EPHA6: variants seen among roughly 807,000 people sequenced by gnomAD.
EPHA6 encodes ephrin type-A receptor 6.
In EPHA6, 50 loss-of-function variants were observed where a neutral mutation model predicts 112.0. That is an observed-to-expected ratio of 0.45 (90% CI 0.36 to 0.56). The LOEUF is 0.56. Ranked by LOEUF, EPHA6 falls within the 20% of genes least tolerant of loss-of-function variation. The pLI, the probability that EPHA6 is intolerant of heterozygous loss-of-function variation, is 0.00. For missense variants in EPHA6, 1,280 were observed against 1,417.4 expected (o/e 0.90, Z 1.56); for synonymous variants, 529 against 490.7 (o/e 1.08, Z -1.03).
At chr3:96,937,089 T>G (rs1472849003) in intron 2 of EPHA6, among the ~76,000 whole-genome samples, 1 of 152,348 alleles carries the variant, frequency 6.6e-6, no homozygotes, top group East Asian at 1.9e-4. Flanking sequence ...TGTGTCTTTA[T>G]AGCAGCACGA....
At chr3:97,299,106 T>G (rs1671992616) in intron 5 of EPHA6, among the ~76,000 whole-genome samples, 7 of 152,082 alleles carry the variant, frequency 4.6e-5, no homozygotes, top group Admixed American at 4.6e-4. Flanking sequence ...GGATTTATAA[T>G]GATATAGTCT....
chr3:97,295,026 T>C (rs1339225100), intron 5 of EPHA6, among the ~76,000 whole-genome samples: 1 of 152,202 alleles, frequency 6.6e-6, no homozygotes, highest in African/African-American at 2.4e-5. Flanking sequence ...TTGTCTTTGT[T>C]GACAGTTTGA....
At chr3:97,480,234 TA>T (rs1447302512) in intron 9 of EPHA6, among the ~76,000 whole-genome samples, 26 of 150,100 alleles carry the variant, frequency 1.7e-4, no homozygotes, top group African/African-American at 5.2e-4. Flanking sequence ...TTTATTTATT[TA>T]TTTTTTTTAG....
Position 97,285,572 on chromosome 3 carries a change from G to A in EPHA6, c.1606+41285G>A, listed in dbSNP as rs76641627. ...GCTGCACATAATTTTATTTTTTATG[G>A]CCAGATAGTATTCCATTGTGTATAT... On this transcript the variant is annotated intron_variant, in intron 5 of 17. Coordinates refer to ENST00000389672, the MANE Select transcript of EPHA6 (RefSeq NM_001080448.3). Among the ~76,000 whole-genome samples, 439 of 151,988 alleles carry A rather than the reference G, an allele frequency of 2.9e-3. 15 individuals carry two copies. In the East Asian group the frequency reaches 0.073, roughly 25 times the overall value.
chr3:97,229,640 A>G (rs2078464024), intron 4 of EPHA6, among the ~76,000 whole-genome samples: 1 of 152,172 alleles, frequency 6.6e-6, no homozygotes, highest in Admixed American at 6.5e-5. Context: ...GTAATGTCAC[A>G]TATTTCTTAG....
At chr3:97,060,950 A>AAAAAG (rs2046002254) in intron 3 of EPHA6, among the ~76,000 whole-genome samples, 1 of 148,888 alleles carries the variant, frequency 6.7e-6, no homozygotes, top group Non-Finnish European at 1.5e-5. Context: ...AAAAAAAAAA[A>AAAAAG]GTCAGCTAAC....
intron 5 of EPHA6, among the ~76,000 whole-genome samples, chr3:97,248,498 C>A (rs117181525): frequency 6.6e-6 from 1 of 152,036 alleles, no homozygotes; most frequent in African/African-American, 2.4e-5. Context: ...TTGTAGATAT[C>A]CTGACATGTG....
At chr3:97,411,674 A>G (rs1006510231) in intron 6 of EPHA6, among the ~76,000 whole-genome samples, 7 of 152,048 alleles carry the variant, frequency 4.6e-5, no homozygotes, top group Non-Finnish European at 2.9e-5. Context: ...TAGGCTCATG[A>G]CTGAGGTCCT....
chr3:97,342,360 C>A (rs530857460), intron 5 of EPHA6, among the ~76,000 whole-genome samples: 1 of 152,290 alleles, frequency 6.6e-6, no homozygotes, highest in Non-Finnish European at 1.5e-5. Context: ...AGAAACAGAA[C>A]ACTGTCATCA....
At chr3:97,299,216 G>A (rs79996963) in intron 5 of EPHA6, among the ~76,000 whole-genome samples, 11,803 of 148,298 alleles carry the variant, frequency 0.08, 875 homozygotes, top group Admixed American at 0.21. Flanking sequence ...TGTGTGTAGG[G>A]GGGAGTGTGT....
At chr3:97,591,986 C>CACTT (rs1015207903) in intron 11 of EPHA6, among the ~76,000 whole-genome samples, 1 of 152,116 alleles carries the variant, frequency 6.6e-6, no homozygotes, top group Admixed American at 6.5e-5. Context: ...ATTTCCAAGC[C>CACTT]ACTTACTTTT....
intron 3 of EPHA6, among the ~76,000 whole-genome samples, chr3:97,170,275 A>G (rs965063565): frequency 2.0e-5 from 3 of 152,130 alleles, no homozygotes; most frequent in Non-Finnish European, 1.5e-5. Flanking sequence ...TATTAGTGCA[A>G]CTTTATTTGT....
intron 6 of EPHA6, among the ~76,000 whole-genome samples, chr3:97,418,338 C>T (rs9825449): frequency 0.047 from 7,096 of 151,958 alleles, 503 homozygotes; most frequent in African/African-American, 0.15. Context: ...TGAATAATGG[C>T]TGTGAATTTT....
chr3:96,900,615 A>G (rs1334022653), intron 2 of EPHA6, among the ~76,000 whole-genome samples: 1 of 152,250 alleles, frequency 6.6e-6, no homozygotes, highest in African/African-American at 2.4e-5. Context: ...TGTGACAGCA[A>G]GCATGGAAAG....
chr3:97,504,463 C>G (rs2092196566), intron 10 of EPHA6, among the ~76,000 whole-genome samples: 1 of 152,170 alleles, frequency 6.6e-6, no homozygotes, highest in Non-Finnish European at 1.5e-5. Flanking sequence ...CCCCATCCTC[C>G]TAGTGTGCAT....
At chr3:97,397,234 G>T (rs1577234319) in intron 5 of EPHA6, among the ~76,000 whole-genome samples, 1 of 150,792 alleles carries the variant, frequency 6.6e-6, no homozygotes, top group East Asian at 1.9e-4. Context: ...TTTTTTCCCT[G>T]ACTTTTTAGC....
At chr3:97,411,834 G>A (rs956289678) in intron 6 of EPHA6, among the ~76,000 whole-genome samples, 5 of 152,074 alleles carry the variant, frequency 3.3e-5, no homozygotes, top group Admixed American at 1.3e-4. Context: ...ACAGTTGCAC[G>A]GAAGTGTGAT....
At chr3:97,011,347 C>T (rs1042743993) in intron 3 of EPHA6, among the ~76,000 whole-genome samples, 4 of 152,170 alleles carry the variant, frequency 2.6e-5, no homozygotes, top group Admixed American at 6.6e-5. Context: ...ATTAACTGCA[C>T]AACTGTTTCA....
rs1304652539 is a variant in EPHA6, at chr3:97,084,818, G to GTAC, written c.1114+96829_1114+96831dup. Among the ~76,000 whole-genome samples the GTAC allele has an allele frequency of 2.0e-5, 3 of 151,890 alleles. No homozygotes were observed. The East Asian group carries it at 5.8e-4, about 29-fold the overall frequency. On this transcript the variant is annotated intron_variant, in intron 3 of 17. Transcript: ENST00000389672. ...AAGACTCAACATCATTAAAATGGCC[G>GTAC]TACTACCCAAAGGCTACAATAACCG... is the stretch of plus-strand genomic sequence containing the variant.
Sources: allele counts gnomAD v4.1 joint callset (sites outside exome capture counted in the v4.1 genomes callset), GRCh38; gene constraint gnomAD v4.1.1; transcripts MANE v1.5; gene names NCBI Gene and HGNC (gene_info 2026-07-23, HGNC 2026-07-21).